CEP152: variants seen among roughly 807,000 people sequenced by gnomAD.
CEP152 encodes centrosomal protein 152.
A neutral mutation model predicts 188.9 loss-of-function variants in CEP152; 132 were observed. That is an observed-to-expected ratio of 0.70 (90% CI 0.61 to 0.81). CEP152 has a LOEUF of 0.81. Among genes scored for constraint, CEP152 ranks in the 30% least tolerant of loss-of-function variants. The probability of loss-of-function intolerance (pLI) is 0.00; values close to 1 mark genes in which losing one functional copy is unlikely to be tolerated. For missense variants in CEP152, 1,914 were observed against 1,969.8 expected (o/e 0.97, Z 0.54); for synonymous variants, 649 against 666.6 (o/e 0.97, Z 0.41).
Position 48,744,932 on chromosome 15 carries a change from A to G in CEP152, c.3695T>C (p.Leu1232Ser). Residue 1232 changes from leucine (L) to serine (S), a missense_variant, in exon 23 of 27, where the codon TTG becomes TCG. Physicochemically the swap from Leu to Ser is moderately radical, Grantham distance 145. Transcript: ENST00000380950. ...IEENNDMKNK[L>S]EELQTLCKTP... ...TTTACAAAGTGTTTGCAATTCTTCC[A>G]ATTTATTCTTCATGTCGTTGTTTTC... 2 of 1,610,944 alleles carry G rather than the reference A, an allele frequency of 1.2e-6. No individual in the cohort carries two copies. The highest frequency in any genetic ancestry group is 1.7e-6 in the Non-Finnish European group (2 of 1,178,956).
intron 2 of CEP152, among the ~76,000 whole-genome samples, chr15:48,798,923 A>ATATT (rs1159613463): frequency 6.7e-6 from 1 of 148,626 alleles, no homozygotes; most frequent in East Asian, 1.9e-4. Context: ...CAATATAATA[A>ATATT]TATTACCCTA....
intron 1 of CEP152, 188 bp downstream of exon 1, chr15:48,810,773 T>A (rs372416163): frequency 6.6e-6 from 1 of 152,196 alleles, no homozygotes; most frequent in Non-Finnish European, 1.5e-5. Flanking sequence ...AAGTAGGATA[T>A]TGGAGGAATG....
intron 12 of CEP152, among the ~76,000 whole-genome samples, chr15:48,780,711 G>A (rs567189624): frequency 6.6e-6 from 1 of 152,290 alleles, no homozygotes; most frequent in South Asian, 2.1e-4. Context: ...ATAGCACTTA[G>A]TTGTTTCCAA....
intron 17 of CEP152, among the ~76,000 whole-genome samples, chr15:48,764,037 A>G (rs760325423): frequency 1.3e-5 from 2 of 152,224 alleles, no homozygotes; most frequent in Middle Eastern, 3.2e-3. Flanking sequence ...CTAAATTCCT[A>G]AAAATAAAAC....
At chr15:48,797,610 C>G (rs377636130) in intron 4 of CEP152, 31 bp from the exon 5 acceptor site, 2 of 1,613,970 alleles carry the variant, frequency 1.2e-6, no homozygotes, top group Non-Finnish European at 1.7e-6. Context: ...AACAAAAGCA[C>G]GAAGATCCAG....
chr15:48,805,533 CTCTT>C, intron 2 of CEP152, 26 bp downstream of exon 2: 1 of 1,463,214 alleles, frequency 6.8e-7, no homozygotes, highest in Non-Finnish European at 9.1e-7. Context: ...GGTTTAGTGT[CTCTT>C]TTTTTTTTTT....
At chr15:48,772,917 G>C (rs1895662035) in intron 12 of CEP152, among the ~76,000 whole-genome samples, 1 of 152,182 alleles carries the variant, frequency 6.6e-6, no homozygotes, top group Non-Finnish European at 1.5e-5. Context: ...CTCAAGCTTA[G>C]TCCTGCTGCT....
intron 2 of CEP152, among the ~76,000 whole-genome samples, chr15:48,802,258 T>C (rs1351679939): frequency 6.6e-6 from 1 of 152,228 alleles, no homozygotes; most frequent in African/African-American, 2.4e-5. Context: ...AAAAGTTTGC[T>C]TTGGATGATA....
chr15:48,750,685 A>T (rs1002696458), intron 21 of CEP152, among the ~76,000 whole-genome samples: 1 of 152,210 alleles, frequency 6.6e-6, no homozygotes, highest in Non-Finnish European at 1.5e-5. Flanking sequence ...GAGCTATTGC[A>T]TCAACACAGA....
chr15:48,764,790 A>G (rs889522285), intron 17 of CEP152, among the ~76,000 whole-genome samples: 8 of 152,194 alleles, frequency 5.3e-5, no homozygotes, highest in African/African-American at 1.7e-4. Context: ...GTGTTTCAGA[A>G]AACAATGCAT....
downstream of CEP152, among the ~76,000 whole-genome samples, chr15:48,736,497 G>C (rs1287009255): frequency 6.6e-6 from 1 of 152,104 alleles, no homozygotes; most frequent in East Asian, 1.9e-4. Context: ...CCTCCCTTTT[G>C]TTCTGCCATG....
chr15:48,738,646 G>T lies in CEP152; in HGVS notation c.4736C>A (p.Ala1579Glu). Residue 1579 changes from alanine to glutamate, a missense_variant, in exon 27 of 27, where the codon GCA (alanine) becomes GAA (glutamate). Ala to Glu is a moderately radical substitution (Grantham distance 107, BLOSUM62 -1). Transcript: ENST00000380950. ...TTCACGACTGTCAAAGGATAAGGTTGCACTGCTGGAAGGCCAGCCCAAGCA... is the reference window on the plus strand; with the variant it reads ...TTCACGACTGTCAAAGGATAAGGTTTCACTGCTGGAAGGCCAGCCCAAGCA... ...SDCLGWPSSS[A>E]TLSFDSREAS... 3 of 1,614,170 alleles carry T rather than the reference G, an allele frequency of 1.9e-6. No homozygotes were observed. The highest frequency in any genetic ancestry group is 2.5e-6 in the Non-Finnish European group (3 of 1,180,026).
At chr15:48,797,803 G>A in intron 3 of CEP152, 73 bp from the exon 4 acceptor site, 1 of 1,569,632 alleles carries the variant, frequency 6.4e-7, no homozygotes, top group Admixed American at 1.7e-5. Context: ...AGAACCCCAA[G>A]ATTTTAACCT....
chr15:48,738,099 T>C lies in CEP152; in HGVS notation c.*150A>G. 1 of 852,618 alleles carries C rather than the reference T, an allele frequency of 1.2e-6. No homozygotes were observed. Among genetic ancestry groups the C allele is most frequent in the Non-Finnish European group, 1.7e-6 (1 of 571,438 alleles). The allele number at this position is 852,618 out of a possible 1,614,324, so 52.8% of individuals were successfully genotyped here. A position where few individuals can be genotyped will look rare whatever the true frequency, so the allele number is the denominator to read the frequency against. On this transcript the variant is annotated 3_prime_UTR_variant, in exon 27 of 27. Transcript: ENST00000380950. Reference sequence around the variant, plus strand: ...GGAATATTAAGGCAACATAAATATCTCAAGCAATTTTAGAAGAATGCTTTA... The same window carrying C: ...GGAATATTAAGGCAACATAAATATCCCAAGCAATTTTAGAAGAATGCTTTA...
At position 48,756,300 on chromosome 15, in the gene CEP152, A is replaced by G. The variant is rs1390774325; in HGVS notation, c.2948T>C (p.Leu983Ser). ...ATTAATTTTATTTCGGTGATCATCT[A>G]AAAATTGCCGGTAATCTTGCTCATT... ...EQNEQDYRQF[L>S]DDHRNKINEV... is the part of the protein sequence containing the mutation. Residue 983 changes from leucine to serine, a missense_variant, in exon 20 of 27, where the codon TTA (leucine) becomes TCA (serine). Transcript: ENST00000380950. The G allele has an allele frequency of 2.5e-6, 4 of 1,576,712 alleles. No individual in the cohort carries two copies. The highest frequency in any genetic ancestry group is 1.4e-5 in the African/African-American group (1 of 72,952).
chr15:48,776,195 T>C (rs1249299100), intron 12 of CEP152, among the ~76,000 whole-genome samples: 1 of 152,156 alleles, frequency 6.6e-6, no homozygotes, highest in Non-Finnish European at 1.5e-5. Context: ...CATTAAGCTA[T>C]ATATTTATGT....
intron 9 of CEP152, among the ~76,000 whole-genome samples, chr15:48,784,539 G>A (rs1026497925): frequency 1.3e-5 from 2 of 152,132 alleles, no homozygotes; most frequent in Admixed American, 6.5e-5. Context: ...AAACAGTAAG[G>A]ATATAGATAA....
chr15:48,750,436 C>A (rs1184764470), intron 21 of CEP152, among the ~76,000 whole-genome samples: 2 of 152,110 alleles, frequency 1.3e-5, no homozygotes, highest in East Asian at 3.8e-4. Context: ...ATTGATCCAG[C>A]AAAATTATTC....
rs1458755901 is a variant in CEP152, at chr15:48,805,622, G to C, written c.28C>G (p.Leu10Val). 2.5e-6 allele frequency: 4 copies of C among 1,606,720 alleles called. No individual in the cohort carries two copies. Among genetic ancestry groups the C allele is most frequent in the Non-Finnish European group, 3.4e-6 (4 of 1,177,280 alleles). MSLDFGSVA[L>V]PVQNEDEEYD... ...TCTTCATCTTCATTTTGCACTGGTA[G>C]TGCCACACTGCCAAAGTCTAATGAC... Residue 10 changes from leucine (L) to valine (V), a missense_variant, in exon 2 of 27, where the codon CTA becomes GTA. Transcript: ENST00000380950.
Sources: gnomAD v4.1 joint callset for allele counts (sites outside exome capture counted in the v4.1 genomes callset) on GRCh38, gnomAD v4.1.1 for gene constraint, MANE v1.5 for transcripts, NCBI Gene and HGNC (gene_info 2026-07-23, HGNC 2026-07-21) for gene names.